The following FRMD5 variants were observed in gnomAD, a reference collection of about 807,000 sequenced individuals.
The protein encoded by FRMD5 is FERM domain-containing protein 5.
FRMD5 carries 20 observed loss-of-function variants against 69.0 expected under a neutral mutation model. The ratio of observed to expected loss-of-function variants is 0.29; its 90% confidence interval spans 0.20 to 0.42. The LOEUF (loss-of-function observed/expected upper bound fraction) is 0.42, where lower values mean the gene tolerates loss of function less well. Ranked by LOEUF, FRMD5 falls within the 10% of genes least tolerant of loss-of-function variation. FRMD5 has a pLI of 1.00. For missense variants in FRMD5, 595 were observed against 708.6 expected (o/e 0.84, Z 1.82); for synonymous variants, 271 against 260.1 (o/e 1.04, Z -0.40).
chr15:44,137,341 C>T (rs1438063116), intron 1 of FRMD5, among the ~76,000 whole-genome samples: 6 of 152,216 alleles, frequency 3.9e-5, no homozygotes, highest in African/African-American at 1.2e-4. Flanking sequence ...ACCAGAATTG[C>T]TGGCTCTGAG....
chr15:44,001,544 G>A (rs1317886135), intron 1 of FRMD5, among the ~76,000 whole-genome samples: 1 of 150,428 alleles, frequency 6.6e-6, no homozygotes, highest in Non-Finnish European at 1.5e-5. Flanking sequence ...CAGGTCTTAT[G>A]TTTAAATCTT....
At chr15:43,993,115 A>G (rs1595598173) in intron 1 of FRMD5, among the ~76,000 whole-genome samples, 1 of 152,188 alleles carries the variant, frequency 6.6e-6, no homozygotes, top group Admixed American at 6.5e-5. Flanking sequence ...GGCAGAAAAG[A>G]TATTTGATAT....
intron 1 of FRMD5, among the ~76,000 whole-genome samples, chr15:43,991,754 C>T (rs1889689460): frequency 6.6e-6 from 1 of 152,192 alleles, no homozygotes; most frequent in Non-Finnish European, 1.5e-5. Flanking sequence ...AAACAGGGCA[C>T]TGATGTGTTC....
intron 1 of FRMD5, among the ~76,000 whole-genome samples, chr15:44,022,584 G>GAAAAAAAA (rs5812262): frequency 1.4e-5 from 1 of 73,168 alleles, no homozygotes; most frequent in East Asian, 5.0e-4. Context: ...CACTCCACCA[G>GAAAAAAAA]AAAAAAAAAA....
chr15:43,899,474 C>G (rs547179084), intron 7 of FRMD5, among the ~76,000 whole-genome samples: 27 of 152,294 alleles, frequency 1.8e-4, no homozygotes, highest in Non-Finnish European at 3.2e-4. Context: ...AATTCTTGCT[C>G]TACCGCTGAG....
intron 10 of FRMD5, among the ~76,000 whole-genome samples, chr15:43,887,849 A>G (rs1284814476): frequency 4.6e-5 from 7 of 152,250 alleles, no homozygotes; most frequent in African/African-American, 1.7e-4. Context: ...TCATTACGGT[A>G]TATTTTTAAA....
intron 1 of FRMD5, among the ~76,000 whole-genome samples, chr15:43,963,848 T>G (rs750121503): frequency 6.6e-6 from 1 of 151,892 alleles, no homozygotes; most frequent in Non-Finnish European, 1.5e-5. Flanking sequence ...CAGGTGGGAA[T>G]TGAACAATGA....
At chr15:44,044,870 C>T (rs1195080566) in intron 1 of FRMD5, among the ~76,000 whole-genome samples, 4 of 152,152 alleles carry the variant, frequency 2.6e-5, no homozygotes. Context: ...ATGTAACAAA[C>T]CTCCACGTTC....
intron 1 of FRMD5, among the ~76,000 whole-genome samples, chr15:43,972,600 C>T (rs577295088): frequency 6.6e-6 from 1 of 152,284 alleles, no homozygotes; most frequent in South Asian, 2.1e-4. Flanking sequence ...GCAGCACTGG[C>T]TGGATTTCAG....
intron 2 of FRMD5, among the ~76,000 whole-genome samples, chr15:43,922,818 A>G (rs764237340): frequency 6.6e-6 from 1 of 152,058 alleles, no homozygotes; most frequent in Non-Finnish European, 1.5e-5. Context: ...CTACAGGCAC[A>G]TGCCACCATT....
intron 1 of FRMD5, among the ~76,000 whole-genome samples, chr15:44,073,301 C>T (rs953530764): frequency 1.3e-5 from 2 of 152,094 alleles, no homozygotes; most frequent in East Asian, 1.9e-4. Context: ...CAAAAACATA[C>T]GTGTATAAGA....
intron 1 of FRMD5, among the ~76,000 whole-genome samples, chr15:43,996,680 G>A (rs1029095748): frequency 7.1e-5 from 10 of 141,540 alleles, no homozygotes; most frequent in African/African-American, 2.6e-4. Flanking sequence ...TCTGAGTGGG[G>A]ATTGCCTTTT....
chr15:44,182,324 C>CTTT (rs71111843), intron 1 of FRMD5, among the ~76,000 whole-genome samples: 1 of 85,662 alleles, frequency 1.2e-5, no homozygotes, highest in Non-Finnish European at 2.3e-5. Flanking sequence ...CATTGCTTTT[C>CTTT]TTTTTTTTTT....
chr15:44,164,966 T>C (rs1010284116), intron 1 of FRMD5, among the ~76,000 whole-genome samples: 13 of 152,196 alleles, frequency 8.5e-5, no homozygotes, highest in African/African-American at 2.9e-4. Flanking sequence ...GAGGCAGCAG[T>C]GTCCTCTCAG....
At chr15:43,988,700 C>A (rs923105875) in intron 1 of FRMD5, among the ~76,000 whole-genome samples, 2 of 152,136 alleles carry the variant, frequency 1.3e-5, no homozygotes, top group African/African-American at 4.8e-5. Context: ...TACATGAAAG[C>A]AATGCTATCA....
chr15:44,111,167 G>A lies in FRMD5; in HGVS notation c.102+83786C>T, dbSNP rs1363956197. Among the ~76,000 whole-genome samples the A allele has an allele frequency of 2.6e-5, 4 of 152,144 alleles. No homozygotes were observed. In the East Asian group the frequency reaches 7.7e-4, roughly 29 times the overall value. ...ATATATATGTAACATACATATATGT[G>A]TGTGCTTCTATATATATGAACCTGA... On this transcript the variant is annotated intron_variant, in intron 1 of 13. Coordinates refer to ENST00000417257, the MANE Select transcript of FRMD5 (RefSeq NM_032892.5).
At chr15:44,023,742 T>C (rs1233296451) in intron 1 of FRMD5, among the ~76,000 whole-genome samples, 1 of 152,218 alleles carries the variant, frequency 6.6e-6, no homozygotes, top group Non-Finnish European at 1.5e-5. Flanking sequence ...ATTTACAGTA[T>C]TTGAATGTCA....
At chr15:44,043,190 T>C (rs1452430359) in intron 1 of FRMD5, among the ~76,000 whole-genome samples, 1 of 151,990 alleles carries the variant, frequency 6.6e-6, no homozygotes, top group Non-Finnish European at 1.5e-5. Flanking sequence ...ACAAAGAGAA[T>C]AAAATATCTA....
chr15:43,995,579 G>T (rs1889882174), intron 1 of FRMD5, among the ~76,000 whole-genome samples: 1 of 152,092 alleles, frequency 6.6e-6, no homozygotes, highest in Admixed American at 6.5e-5. Context: ...TGCTGAAGCA[G>T]GTTTGGATTC....
Sources: gnomAD v4.1 joint callset for allele counts (sites outside exome capture counted in the v4.1 genomes callset) on GRCh38, gnomAD v4.1.1 for gene constraint, MANE v1.5 for transcripts, NCBI Gene and HGNC (gene_info 2026-07-23, HGNC 2026-07-21) for gene names.